The following ASIC2 variants were observed in gnomAD, a reference collection of about 807,000 sequenced individuals.
The protein encoded by ASIC2 is acid sensing ion channel subunit 2, also known as acid-sensing ion channel 2.
In ASIC2, 25 loss-of-function variants were observed where a neutral mutation model predicts 57.3. That is an observed-to-expected ratio of 0.44 (90% CI 0.32 to 0.61). The LOEUF is 0.61. Among genes scored for constraint, ASIC2 ranks in the 20% least tolerant of loss-of-function variants. The pLI is 0.06. For missense variants in ASIC2, 641 were observed against 738.1 expected, an observed-to-expected ratio of 0.87 and a Z score of 1.52; for synonymous variants, 319 against 307.5, an observed-to-expected ratio of 1.04 and a Z score of -0.39.
chr17:33,528,174 G>GTGTGTGTGTGTGTGTGTGTGTGTA (rs1392278022), intron 1 of ASIC2, among the ~76,000 whole-genome samples: 1 of 151,710 alleles, frequency 6.6e-6, no homozygotes, highest in Non-Finnish European at 1.5e-5. Context: ...GTAGGTGTGT[G>GTGTGTGTGTGTGTGTGTGTGTGTA]TGTGTGTGTG....
intron 2 of ASIC2, among the ~76,000 whole-genome samples, chr17:33,102,345 G>A (rs144601242): frequency 7.9e-5 from 12 of 152,280 alleles, no homozygotes; most frequent in Admixed American, 1.3e-4. Flanking sequence ...GTCCTAGGTC[G>A]TTCTCATTCC....
chr17:33,130,613 T>G (rs556405718), intron 1 of ASIC2, among the ~76,000 whole-genome samples: 1 of 151,732 alleles, frequency 6.6e-6, no homozygotes, highest in South Asian at 2.1e-4. Context: ...CCCCCAAGAG[T>G]CTGGGATATT....
intron 1 of ASIC2, among the ~76,000 whole-genome samples, chr17:34,123,557 T>C (rs1432775143): frequency 1.3e-5 from 2 of 152,150 alleles, no homozygotes; most frequent in African/African-American, 2.4e-5. Context: ...ACCATGACAG[T>C]GACAATGACT....
intron 1 of ASIC2, among the ~76,000 whole-genome samples, chr17:33,677,689 C>T (rs1038476698): frequency 6.6e-6 from 1 of 152,150 alleles, no homozygotes; most frequent in African/African-American, 2.4e-5. Context: ...GACAAGAGGA[C>T]TAAGAAGTGG....
Position 33,879,751 on chromosome 17 carries a change from G to A in ASIC2, c.555+276227C>T, listed in dbSNP as rs147223901. On this transcript the variant is annotated intron_variant, in intron 1 of 9. Transcript: ENST00000359872. ...AATTGAATTCAGCTCCGCACCAAGCGGACCTTGTAGACATCTACAGAACTC... is the reference window on the plus strand; with the variant it reads ...AATTGAATTCAGCTCCGCACCAAGCAGACCTTGTAGACATCTACAGAACTC... 4.9e-3 allele frequency among the ~76,000 whole-genome samples: 740 copies of A among 152,182 alleles called. 5 individuals are homozygous for A. Among genetic ancestry groups the A allele is most frequent in the African/African-American group, 0.013 (526 of 41,508 alleles).
chr17:33,298,277 C>T (rs1905805026), upstream of ASIC2, among the ~76,000 whole-genome samples: 1 of 152,002 alleles, frequency 6.6e-6, no homozygotes, highest in African/African-American at 2.4e-5. Context: ...TCCCCCACCC[C>T]ACGACAAGCC....
intron 1 of ASIC2, among the ~76,000 whole-genome samples, chr17:33,560,704 C>T (rs1050626020): frequency 1.3e-5 from 2 of 152,154 alleles, no homozygotes; most frequent in Non-Finnish European, 2.9e-5. Context: ...TAGCAGGAGA[C>T]AGAAATTCAC....
intron 1 of ASIC2, among the ~76,000 whole-genome samples, chr17:33,446,687 G>A (rs1912032284): frequency 6.6e-6 from 1 of 152,220 alleles, no homozygotes; most frequent in South Asian, 2.1e-4. Context: ...GTTCCTACAG[G>A]TAGGAACCAT....
At chr17:33,778,358 C>G (rs534156705) in intron 1 of ASIC2, among the ~76,000 whole-genome samples, 29 of 152,184 alleles carry the variant, frequency 1.9e-4, no homozygotes, top group Non-Finnish European at 2.8e-4. Flanking sequence ...CACACCTCAT[C>G]CCCTGCCCTT....
chr17:33,031,850 C>A (rs751849645), intron 3 of ASIC2, among the ~76,000 whole-genome samples: 1 of 152,180 alleles, frequency 6.6e-6, no homozygotes, highest in Non-Finnish European at 1.5e-5. Context: ...TGTGAATAAT[C>A]ATCTCATACA....
At chr17:33,591,820 C>T (rs532777738) in intron 1 of ASIC2, among the ~76,000 whole-genome samples, 69 of 152,260 alleles carry the variant, frequency 4.5e-4, no homozygotes, top group Middle Eastern at 3.4e-3. Flanking sequence ...TCTCCTTGCT[C>T]GGTCCCCCTT....
chr17:33,344,148 T>A (rs1250797665), intron 1 of ASIC2, among the ~76,000 whole-genome samples: 1 of 152,196 alleles, frequency 6.6e-6, no homozygotes, highest in Non-Finnish European at 1.5e-5. Context: ...AGGGATCATG[T>A]TTCAACCATC....
chr17:33,533,952 A>G (rs1915142565), intron 1 of ASIC2, among the ~76,000 whole-genome samples: 1 of 152,142 alleles, frequency 6.6e-6, no homozygotes, highest in East Asian at 1.9e-4. Flanking sequence ...GTTCCCCAAA[A>G]ATCATTCCAG....
intron 1 of ASIC2, among the ~76,000 whole-genome samples, chr17:33,182,670 T>C (rs923438972): frequency 1.6e-4 from 25 of 152,172 alleles, no homozygotes; most frequent in Admixed American, 2.6e-4. Context: ...AACACCAATA[T>C]AGACAGCAAC....
At chr17:33,116,619 C>G (rs555119405) in intron 1 of ASIC2, among the ~76,000 whole-genome samples, 14 of 152,240 alleles carry the variant, frequency 9.2e-5, no homozygotes, top group African/African-American at 3.4e-4. Flanking sequence ...ATGTTTCAAA[C>G]CTGGATCTCC....
intron 1 of ASIC2, among the ~76,000 whole-genome samples, chr17:33,269,606 G>A (rs908975208): frequency 8.2e-6 from 1 of 122,164 alleles, no homozygotes; most frequent in Non-Finnish European, 1.8e-5. Flanking sequence ...GAACCTAAGG[G>A]CTCCTTCCCT....
Position 33,017,072 on chromosome 17 carries a change from G to A in ASIC2, c.1521+533C>T, listed in dbSNP as rs1032312125. On this transcript the variant is annotated intron_variant, in intron 8 of 9. Coordinates refer to ENST00000225823, the MANE Select transcript of ASIC2 (RefSeq NM_183377.2). ...ACATTTCCCCAGACTGTCAGCAGCCGGGGCGGCTGGCGTGCCCTGCTGTCT... is the reference window on the plus strand; with the variant it reads ...ACATTTCCCCAGACTGTCAGCAGCCAGGGCGGCTGGCGTGCCCTGCTGTCT... Among the ~76,000 whole-genome samples the A allele has an allele frequency of 7.9e-5, 12 of 152,228 alleles. No individual in the cohort carries two copies. The East Asian group carries it at 9.6e-4, about 12-fold the overall frequency.
In ASIC2 at chr17:34,126,824, G is replaced by A. The variant is rs759661216; in HGVS notation, c.555+29154C>T. Among the ~76,000 whole-genome samples the A allele has an allele frequency of 1.2e-4, 18 of 152,290 alleles. No homozygotes were observed. The South Asian group carries it at 2.3e-3, about 19-fold the overall frequency. ...AGATTCCGTTTCTGCAGAGCTGAGC[G>A]GGGCCTGAGGCGCTGCATTTCTACC... On this transcript the variant is annotated intron_variant, in intron 1 of 9. Coordinates refer to the ASIC2 transcript ENST00000359872.
chr17:34,038,014 C>G, intron 1 of ASIC2: 4 of 1,613,412 alleles, frequency 2.5e-6, no homozygotes, highest in Non-Finnish European at 3.4e-6. Flanking sequence ...GTGGTAAATA[C>G]CAATAAGTAC....
Sources: allele counts gnomAD v4.1 joint callset (sites outside exome capture counted in the v4.1 genomes callset), GRCh38; gene constraint gnomAD v4.1.1; transcripts MANE v1.5; gene names NCBI Gene and HGNC (gene_info 2026-07-23, HGNC 2026-07-21).